The following CEP15 variants were observed in gnomAD, a reference collection of about 807,000 sequenced individuals.
CEP15 encodes centrosomal protein 15 kDa.
chr3:62,320,532 T>G, the CEP15 span: 1 of 1,602,888 alleles, frequency 6.2e-7, no homozygotes, highest in East Asian at 2.2e-5. Context: ...AATGTAAGTT[T>G]TTTTAAAGGG....
the CEP15 span, among the ~76,000 whole-genome samples, chr3:62,330,429 C>T: frequency 6.6e-6 from 1 of 152,114 alleles, no homozygotes; most frequent in African/African-American, 2.4e-5. Flanking sequence ...AACAAGACAA[C>T]ATGGGTGCTG....
chr3:62,335,312 A>G, the CEP15 span: 1 of 152,056 alleles, frequency 6.6e-6, no homozygotes, highest in Non-Finnish European at 1.5e-5. Flanking sequence ...AAGGGAAGGC[A>G]TTTCCAAGGC....
At chr3:62,325,805 G>A in the CEP15 span, among the ~76,000 whole-genome samples, 29 of 152,112 alleles carry the variant, frequency 1.9e-4, no homozygotes, top group African/African-American at 6.5e-4. Flanking sequence ...AGGCCAAGGC[G>A]GGCAGATCAA....
At chr3:62,323,367 A>G in the CEP15 span, among the ~76,000 whole-genome samples, 2 of 152,212 alleles carry the variant, frequency 1.3e-5, no homozygotes, top group Non-Finnish European at 2.9e-5. Context: ...CTGTGTTTCA[A>G]TAGGCAGAAG....
chr3:62,333,211 C>A, the CEP15 span: 2 of 1,596,428 alleles, frequency 1.3e-6, no homozygotes, highest in South Asian at 2.2e-5. This position sits in a 1 kb window ranked among gnomAD's most constrained non-coding sequence, Gnocchi z 4.0. Flanking sequence ...GAGCCAAGTT[C>A]AATTGCTTGA....
At chr3:62,319,525 A>C in the CEP15 span, 1 of 152,362 alleles carries the variant, frequency 6.6e-6, no homozygotes, top group African/African-American at 2.4e-5. Flanking sequence ...TAATGAGGGC[A>C]GGGCGGTGTT....
the CEP15 span, among the ~76,000 whole-genome samples, chr3:62,330,734 A>C: frequency 6.6e-6 from 1 of 152,186 alleles, no homozygotes; most frequent in Non-Finnish European, 1.5e-5. Flanking sequence ...AAATCTAGAC[A>C]GTATAATGAA....
chr3:62,325,701 C>T, the CEP15 span, among the ~76,000 whole-genome samples: 3 of 152,266 alleles, frequency 2.0e-5, no homozygotes, highest in Admixed American at 1.3e-4. Context: ...TCTCTCCCCA[C>T]GTACCTACCA....
chr3:62,331,760 C>A, the CEP15 span, among the ~76,000 whole-genome samples: 1 of 152,110 alleles, frequency 6.6e-6, no homozygotes, highest in African/African-American at 2.4e-5. Flanking sequence ...TTAGAAGTAG[C>A]AGTTTAGTCC....
the CEP15 span, among the ~76,000 whole-genome samples, chr3:62,328,406 G>A: frequency 6.6e-6 from 1 of 152,148 alleles, no homozygotes; most frequent in East Asian, 1.9e-4. Flanking sequence ...CCCACTAGGG[G>A]TGTCCAGTCA....
the CEP15 span, among the ~76,000 whole-genome samples, chr3:62,331,116 C>T: frequency 2.0e-5 from 3 of 151,990 alleles, no homozygotes; most frequent in Non-Finnish European, 4.4e-5. Flanking sequence ...CCTCCCCCAC[C>T]CCTATCAAAA....
At chr3:62,330,054 A>T in the CEP15 span, among the ~76,000 whole-genome samples, 1 of 152,078 alleles carries the variant, frequency 6.6e-6, no homozygotes, top group African/African-American at 2.4e-5. Flanking sequence ...CCCTAAATTC[A>T]TGGCTTTTTT....
At chr3:62,322,947 A>G in the CEP15 span, among the ~76,000 whole-genome samples, 1 of 152,222 alleles carries the variant, frequency 6.6e-6, no homozygotes, top group Non-Finnish European at 1.5e-5. This position sits in a 1 kb window ranked among gnomAD's most constrained non-coding sequence, Gnocchi z 5.5. Context: ...AGCATTCTAT[A>G]TTGCCATATG....
the CEP15 span, among the ~76,000 whole-genome samples, chr3:62,325,533 T>C: frequency 5.3e-5 from 8 of 152,226 alleles, no homozygotes; most frequent in Admixed American, 3.3e-4. Context: ...TCATAAAAGA[T>C]AGTGAACTTT....
the CEP15 span, chr3:62,319,442 C>G: frequency 6.6e-6 from 1 of 152,030 alleles, no homozygotes; most frequent in Non-Finnish European, 1.5e-5. Flanking sequence ...ATTTAGACCC[C>G]GGAGGGCGGG....
the CEP15 span, chr3:62,319,807 G>A: frequency 6.6e-6 from 1 of 152,274 alleles, no homozygotes; most frequent in African/African-American, 2.4e-5. Context: ...ACCTCTGTCT[G>A]TGTCGGTCCA....
At chr3:62,329,701 C>G in the CEP15 span, among the ~76,000 whole-genome samples, 1 of 152,156 alleles carries the variant, frequency 6.6e-6, no homozygotes, top group African/African-American at 2.4e-5. Flanking sequence ...CAAATCTGCT[C>G]TCCTGTAAGA....
chr3:62,325,899 C>T, the CEP15 span, among the ~76,000 whole-genome samples: 5 of 152,104 alleles, frequency 3.3e-5, no homozygotes, highest in East Asian at 9.7e-4. Flanking sequence ...TGGTGCGCGC[C>T]TGTAGTCCCA....
chr3:62,319,261 T>A, the CEP15 span: 1 of 152,090 alleles, frequency 6.6e-6, no homozygotes, highest in African/African-American at 2.4e-5. Context: ...AAGGGGAGAA[T>A]GTGATTTGGT....
Sources: allele counts gnomAD v4.1 joint callset (sites outside exome capture counted in the v4.1 genomes callset), GRCh38; gene constraint gnomAD v4.1.1; non-coding constraint Gnocchi (gnomAD v3.1); transcripts MANE v1.5; gene names NCBI Gene and HGNC (gene_info 2026-07-23, HGNC 2026-07-21).